Variants in PCDHA4 observed in about 807,000 individuals in gnomAD.
The protein encoded by PCDHA4 is protocadherin alpha 4, also known as protocadherin alpha-4.
A neutral mutation model predicts 61.4 loss-of-function variants in PCDHA4; 49 were observed. The observed-to-expected ratio is 0.80, with a 90% CI of 0.63 to 1.01. The LOEUF (loss-of-function observed/expected upper bound fraction) is 1.01, where lower values mean the gene tolerates loss of function less well. Among genes scored for constraint, PCDHA4 ranks in the 50% least tolerant of loss-of-function variants. The pLI is 0.00. For synonymous variants in PCDHA4, 590 were observed against 550.3 expected, an observed-to-expected ratio of 1.07 and a Z score of -1.01; for missense variants, 1,254 against 1,235.8, an observed-to-expected ratio of 1.01 and a Z score of -0.22.
chr5:140,826,678 A>T (rs2150144897), intron 1 of PCDHA4, among the ~76,000 whole-genome samples: 79,540 of 151,996 alleles, frequency 0.52, 20,975 homozygotes, highest in Middle Eastern at 0.64. Context: ...AGACGTAATT[A>T]AAAAAACCCA....
At chr5:140,854,853 C>G (rs1441066752) in intron 1 of PCDHA4, among the ~76,000 whole-genome samples, 1 of 149,620 alleles carries the variant, frequency 6.7e-6, no homozygotes, top group Non-Finnish European at 1.5e-5. Flanking sequence ...GATAAAATTA[C>G]TAGATATATT....
intron 1 of PCDHA4, chr5:140,850,383 G>A (rs2150481860): frequency 2.5e-6 from 4 of 1,597,842 alleles, no homozygotes; most frequent in South Asian, 1.1e-5. Context: ...GTACACGGGC[G>A]AGATCAGCAC....
intron 1 of PCDHA4, among the ~76,000 whole-genome samples, chr5:140,925,358 C>A (rs1554202714): frequency 8.5e-5 from 13 of 152,094 alleles, no homozygotes; most frequent in Non-Finnish European, 1.9e-4. Flanking sequence ...GAATTTAGTG[C>A]TTCATAGTCA....
At chr5:140,837,012 C>T in intron 1 of PCDHA4, 1 of 303,606 alleles carries the variant, frequency 3.3e-6, no homozygotes, top group South Asian at 7.9e-5. Context: ...AATGGATTCA[C>T]CTTTCTTCTA....
At chr5:140,882,369 C>T (rs1554173809) in intron 1 of PCDHA4, 1 of 1,614,222 alleles carries the variant, frequency 6.2e-7, no homozygotes, top group South Asian at 1.1e-5. Context: ...CTCCACTACT[C>T]CGTCCCCGAG....
chr5:140,882,302 C>A, intron 1 of PCDHA4: 1 of 1,613,798 alleles, frequency 6.2e-7, no homozygotes, highest in Non-Finnish European at 8.5e-7. Context: ...CCCAAGACCG[C>A]GGCAACTACT....
intron 1 of PCDHA4, chr5:140,929,120 A>G (rs781922658): frequency 6.2e-7 from 1 of 1,614,062 alleles, no homozygotes; most frequent in East Asian, 2.2e-5. Flanking sequence ...GCCACCATAG[A>G]TGTCACTACA....
In PCDHA4 at chr5:140,967,289, C is replaced by A. The variant is rs782440125; in HGVS notation, c.2386-11660C>A. ...CTTTCACATAGAGAGTGCGCAGGAC[C>A]CCGACGTGGGCGCCAACTCAGTACA... On this transcript the variant is annotated intron_variant, in intron 1 of 3. Transcript: ENST00000530339. 3 of 1,612,910 alleles carry A rather than the reference C, an allele frequency of 1.9e-6. No homozygotes were observed. The East Asian group carries it at 6.7e-5, about 36-fold the overall frequency.
intron 1 of PCDHA4, among the ~76,000 whole-genome samples, chr5:140,972,293 C>T (rs912767406): frequency 2.0e-5 from 3 of 151,768 alleles, no homozygotes; most frequent in Non-Finnish European, 4.4e-5. Flanking sequence ...ATGTGCGCCA[C>T]CGTGTCTGAC....
rs1288388505 is a variant in PCDHA4, at chr5:140,808,718, C to T, written c.1531C>T (p.His511Tyr). ...ERALSSYVSV[H>Y]AESGKVYALQ... Reference sequence around the variant, plus strand: ...CGCGCTGTCGAGCTACGTTTCGGTGCATGCGGAGAGCGGCAAGGTGTACGC... The same window carrying T: ...CGCGCTGTCGAGCTACGTTTCGGTGTATGCGGAGAGCGGCAAGGTGTACGC... Residue 511 changes from histidine to tyrosine, a missense_variant, in exon 1 of 4, where the codon CAT (histidine) becomes TAT (tyrosine). Coordinates refer to ENST00000530339, the MANE Select transcript of PCDHA4 (RefSeq NM_018907.4). 1 of 1,612,082 alleles carries T rather than the reference C, an allele frequency of 6.2e-7. No homozygotes were observed. Among genetic ancestry groups the T allele is most frequent in the Non-Finnish European group, 8.5e-7 (1 of 1,179,826 alleles).
In PCDHA4 at chr5:140,877,377, C is replaced by A. The variant is rs575601254; in HGVS notation, c.2385+67805C>A. 8.1e-6 allele frequency: 13 copies of A among 1,614,008 alleles called. No homozygotes were observed. The South Asian group carries it at 1.1e-4, about 14-fold the overall frequency. ...ACACTGGCGAGATCAGCACGACACG[C>A]ATCCTGGATGAGGCGGACGCTCCGC... On this transcript the variant is annotated intron_variant, in intron 1 of 3. Transcript: ENST00000530339.
chr5:140,944,242 C>T (rs969404044), intron 1 of PCDHA4, among the ~76,000 whole-genome samples: 1 of 152,172 alleles, frequency 6.6e-6, no homozygotes, highest in African/African-American at 2.4e-5. Flanking sequence ...GGCTGGAGTG[C>T]AGTGATGTGA....
intron 1 of PCDHA4, chr5:140,834,860 T>C: frequency 6.2e-7 from 1 of 1,610,304 alleles, no homozygotes; most frequent in Non-Finnish European, 8.5e-7. Flanking sequence ...GCGCGTCCGA[T>C]GCAGATATCG....
chr5:140,809,078 A>G lies in PCDHA4; in HGVS notation c.1891A>G (p.Ile631Val). The G allele has an allele frequency of 6.2e-7, 1 of 1,613,922 alleles. No homozygotes were observed. The highest frequency in any genetic ancestry group is 1.1e-5 in the South Asian group (1 of 91,084). Residue 631 changes from isoleucine to valine, a missense_variant, in exon 1 of 4, where the codon ATC becomes GTC. Coordinates refer to ENST00000530339, the MANE Select transcript of PCDHA4 (RefSeq NM_018907.4). ...PFRVGLYTGE[I>V]STTRALDETD... ...CCGCGTGGGGCTGTACACTGGCGAG[A>G]TCAGCACAACGCGTGCCCTGGACGA...
chr5:140,895,838 TCTCA>T (rs1554186667), intron 1 of PCDHA4, among the ~76,000 whole-genome samples: 2 of 152,136 alleles, frequency 1.3e-5, no homozygotes, highest in Admixed American at 1.3e-4. Context: ...TCAGACAAAG[TCTCA>T]CTCTTGTACC....
intron 1 of PCDHA4, chr5:140,968,491 T>C: frequency 6.2e-7 from 1 of 1,614,130 alleles, no homozygotes; most frequent in Non-Finnish European, 8.5e-7. Flanking sequence ...TGAATGACCA[T>C]GCCCCTCACA....
chr5:140,869,010 T>C (rs919333995), intron 1 of PCDHA4: 3 of 1,523,768 alleles, frequency 2.0e-6, no homozygotes, highest in African/African-American at 2.8e-5. Flanking sequence ...CCTTTGAAAC[T>C]TCTTAAGAAT....
intron 1 of PCDHA4, chr5:140,842,489 A>G (rs1778000282): frequency 6.2e-7 from 1 of 1,613,908 alleles, no homozygotes; most frequent in Middle Eastern, 1.6e-4. Context: ...CTGCTCCCTG[A>G]TGCCCCATGT....
At position 140,856,753 on chromosome 5, in the gene PCDHA4, T is replaced by C. The variant is rs373420913; in HGVS notation, c.2385+47181T>C. 311 of 1,596,470 alleles carry C rather than the reference T, an allele frequency of 1.9e-4. 24 individuals are homozygous for C. Among genetic ancestry groups the C allele is most frequent in the Non-Finnish European group, 2.6e-4 (309 of 1,166,472 alleles). On this transcript the variant is annotated intron_variant, in intron 1 of 3. Coordinates refer to ENST00000530339, the MANE Select transcript of PCDHA4 (RefSeq NM_018907.4). ...TGCTGATCCTGGTGTTAGATGCCAA[T>C]GATAACGCCCCTATCTTTGACAGAC...
Sources: allele counts gnomAD v4.1 joint callset (sites outside exome capture counted in the v4.1 genomes callset), GRCh38; gene constraint gnomAD v4.1.1; transcripts MANE v1.5; gene names NCBI Gene and HGNC (gene_info 2026-07-23, HGNC 2026-07-21).